The following KIAA1217 variants were observed in gnomAD, a reference collection of about 807,000 sequenced individuals.
KIAA1217 encodes sickle tail protein homolog.
KIAA1217 carries 88 observed loss-of-function variants against 163.9 expected under a neutral mutation model. The observed-to-expected ratio is 0.54, with a 90% confidence interval of 0.45 to 0.64. KIAA1217 has a LOEUF of 0.64. KIAA1217 is among the 30% of genes least tolerant of loss of function. The pLI is 0.00. For missense variants in KIAA1217, 2,372 were observed against 2,475.0 expected (o/e 0.96, Z 0.88); for synonymous variants, 903 against 923.1 (o/e 0.98, Z 0.39).
At chr10:23,802,704 CA>C (rs1366567518) in intron 1 of KIAA1217, among the ~76,000 whole-genome samples, 1 of 152,192 alleles carries the variant, frequency 6.6e-6, no homozygotes, top group Non-Finnish European at 1.5e-5. Context: ...AAATCAGTGA[CA>C]TAAAAGTCAA....
In KIAA1217 at chr10:24,292,518, G is replaced by A. The variant is rs549237587; in HGVS notation, c.354+72609G>A. Among the ~76,000 whole-genome samples the A allele has an allele frequency of 2.0e-5, 3 of 152,314 alleles. No homozygotes were observed. The East Asian group carries it at 5.8e-4, about 29-fold the overall frequency. ...TGAAGAGGTTAAAGAGAAGGGTAGGGAGGCCATGAGGGTTCTTACATTCCA... is the reference window on the plus strand; with the variant it reads ...TGAAGAGGTTAAAGAGAAGGGTAGGAAGGCCATGAGGGTTCTTACATTCCA... On this transcript the variant is annotated intron_variant, in intron 2 of 20. Transcript: ENST00000376454.
At chr10:23,896,310 T>C (rs568254395) in intron 1 of KIAA1217, among the ~76,000 whole-genome samples, 1 of 152,192 alleles carries the variant, frequency 6.6e-6, no homozygotes, top group South Asian at 2.1e-4. Flanking sequence ...TTTCAGCAAG[T>C]AAAAAGCACT....
Position 23,796,009 on chromosome 10 carries a change from A to T in KIAA1217, c.-321+100775A>T, listed in dbSNP as rs574700649. On this transcript the variant is annotated intron_variant, in intron 1 of 18. Coordinates refer to the KIAA1217 transcript ENST00000376462. ...GGAATTTCCCTTGAAAGAACTCAAA[A>T]TTTTTCCTTTATTTCCATGCTTCCA... 1.8e-4 allele frequency among the ~76,000 whole-genome samples: 28 copies of T among 152,110 alleles called. 1 individual carries two copies. The South Asian group carries it at 5.6e-3, about 30-fold the overall frequency.
chr10:23,825,521 T>C (rs1033923367), intron 1 of KIAA1217, among the ~76,000 whole-genome samples: 1 of 152,346 alleles, frequency 6.6e-6, no homozygotes, highest in Admixed American at 6.5e-5. Context: ...AATGAGACTG[T>C]ATTTCAGATT....
At chr10:23,826,303 CT>C (rs1224057163) in intron 1 of KIAA1217, among the ~76,000 whole-genome samples, 1 of 152,046 alleles carries the variant, frequency 6.6e-6, no homozygotes, top group African/African-American at 2.4e-5. Flanking sequence ...ACAGTAGCAT[CT>C]TATTATTTAC....
In KIAA1217 at chr10:24,513,405, T is replaced by G. The variant is rs772753685; in HGVS notation, c.2148T>G (p.His716Gln). The G allele has an allele frequency of 1.3e-5, 21 of 1,614,016 alleles. No individual in the cohort carries two copies. The highest frequency in any genetic ancestry group is 1.4e-5 in the Non-Finnish European group (17 of 1,180,012). The part of the protein sequence containing the change: ...LVEQERQKYL[H>Q]EEEKIVKKLC... ...AGCAAGAGAGACAAAAATATCTTCATGAGGAAGAGAAGATCGTCAAGAAGT... is the reference window on the plus strand; with the variant it reads ...AGCAAGAGAGACAAAAATATCTTCAGGAGGAAGAGAAGATCGTCAAGAAGT... Residue 716 changes from histidine to glutamine, a missense_variant, in exon 10 of 21, where the codon CAT becomes CAG. Physicochemically the swap from His to Gln is conservative, Grantham distance 24. Around this residue, in one of 3 missense-constraint regions of KIAA1217, gnomAD observed 1,431 missense variants for 1,470.3 expected, o/e 0.97. Coordinates refer to ENST00000376454, the MANE Select transcript of KIAA1217 (RefSeq NM_019590.5).
chr10:24,034,326 A>G (rs773117095), intron 2 of KIAA1217, among the ~76,000 whole-genome samples: 2 of 152,102 alleles, frequency 1.3e-5, no homozygotes, highest in Non-Finnish European at 2.9e-5. Context: ...TGGGAGCCCA[A>G]GGTGGGGTGG....
chr10:24,523,220 G>T (rs181301863), intron 12 of KIAA1217, among the ~76,000 whole-genome samples: 2 of 152,212 alleles, frequency 1.3e-5, no homozygotes, highest in Admixed American at 6.5e-5. Flanking sequence ...TACTTAGGAG[G>T]CTGAGGCAGG....
intron 2 of KIAA1217, among the ~76,000 whole-genome samples, chr10:24,128,740 C>G (rs2063551882): frequency 6.6e-6 from 1 of 152,192 alleles, no homozygotes; most frequent in Non-Finnish European, 1.5e-5. Context: ...TTAAGACGAG[C>G]TGCAAGTTCA....
chr10:24,096,803 A>G (rs552732297), intron 2 of KIAA1217, among the ~76,000 whole-genome samples: 1 of 152,256 alleles, frequency 6.6e-6, no homozygotes, highest in South Asian at 2.1e-4. Context: ...ACATGCTTTC[A>G]TAGTTTCTCT....
chr10:23,874,174 C>G (rs1331413020), intron 1 of KIAA1217, among the ~76,000 whole-genome samples: 1 of 152,062 alleles, frequency 6.6e-6, no homozygotes, highest in African/African-American at 2.4e-5. Context: ...TATCACACCT[C>G]CAGCCCACAG....
intron 2 of KIAA1217, among the ~76,000 whole-genome samples, chr10:24,236,588 C>G (rs2072296526): frequency 6.6e-6 from 1 of 151,762 alleles, no homozygotes; most frequent in Non-Finnish European, 1.5e-5. Context: ...ATAGTTAAGT[C>G]TAACCTCTTT....
chr10:24,524,886 G>A, intron 13 of KIAA1217, 122 bp downstream of exon 13: 1 of 927,674 alleles, frequency 1.1e-6, no homozygotes. Context: ...CAGGGTTTTG[G>A]AAGTGGAAGT....
chr10:24,299,140 G>C (rs2040983718), intron 2 of KIAA1217, among the ~76,000 whole-genome samples: 1 of 152,192 alleles, frequency 6.6e-6, no homozygotes, highest in Non-Finnish European at 1.5e-5. Context: ...AATGGAAAAT[G>C]ATGAAGCTAT....
At chr10:24,095,070 T>G (rs1253505328) in intron 2 of KIAA1217, among the ~76,000 whole-genome samples, 1 of 152,122 alleles carries the variant, frequency 6.6e-6, no homozygotes, top group Non-Finnish European at 1.5e-5. Flanking sequence ...GATGCGCCGT[T>G]TCCTAAGCCC....
intron 1 of KIAA1217, among the ~76,000 whole-genome samples, chr10:24,002,707 TAA>T (rs1247427846): frequency 6.6e-6 from 1 of 152,164 alleles, no homozygotes; most frequent in African/African-American, 2.4e-5. Flanking sequence ...GTTCCATGGA[TAA>T]GTTTGTTAGT....
chr10:24,542,087 A>G (rs534017201), intron 17 of KIAA1217, among the ~76,000 whole-genome samples: 11 of 152,326 alleles, frequency 7.2e-5, no homozygotes, highest in Admixed American at 7.2e-4. Flanking sequence ...TCAGGGGAAA[A>G]TAATGTTTTT....
At chr10:23,847,694 G>A (rs191847809) in intron 1 of KIAA1217, among the ~76,000 whole-genome samples, 40 of 151,954 alleles carry the variant, frequency 2.6e-4, no homozygotes, top group Admixed American at 6.6e-4. Context: ...TTTTTTGAAC[G>A]GTTGTTCATG....
chr10:23,855,417 A>T (rs1839602963), intron 1 of KIAA1217, among the ~76,000 whole-genome samples: 1 of 152,082 alleles, frequency 6.6e-6, no homozygotes, highest in Non-Finnish European at 1.5e-5. Context: ...TTTGTGGGTA[A>T]CCCGACCTTT....
Sources: gnomAD v4.1 joint callset for allele counts (sites outside exome capture counted in the v4.1 genomes callset) on GRCh38, gnomAD v4.1.1 for gene constraint, gnomAD v4.1.1 regional missense constraint, MANE v1.5 for transcripts, NCBI Gene and HGNC (gene_info 2026-07-23, HGNC 2026-07-21) for gene names.